LIN28B: variants seen among roughly 807,000 people sequenced by gnomAD.
LIN28B encodes the protein protein lin-28 homolog B.
In LIN28B, 5 loss-of-function variants were observed where a neutral mutation model predicts 21.9. That is an observed-to-expected ratio of 0.23 (90% CI 0.12 to 0.48). LIN28B has a LOEUF of 0.48. Ranked by LOEUF, LIN28B falls within the 20% of genes least tolerant of loss-of-function variation. The probability of loss-of-function intolerance (pLI) is 0.98; values close to 1 mark genes in which losing one functional copy is unlikely to be tolerated. For missense variants in LIN28B, 245 were observed against 310.5 expected, an observed-to-expected ratio of 0.79 and a Z score of 1.58; for synonymous variants, 109 against 111.3, an observed-to-expected ratio of 0.98 and a Z score of 0.13.
intron 2 of LIN28B, chr6:104,940,579 G>C (rs1344589960): frequency 6.6e-6 from 1 of 150,472 alleles, no homozygotes; most frequent in Non-Finnish European, 1.5e-5. Context: ...CGCGCGCTCG[G>C]CGCCGGCAGC....
chr6:105,065,076 AC>A (rs947297917), intron 3 of LIN28B, among the ~76,000 whole-genome samples: 2 of 152,168 alleles, frequency 1.3e-5, no homozygotes, highest in African/African-American at 4.8e-5. Context: ...TCCCATACTT[AC>A]CTTCAGATTT....
In LIN28B at chr6:104,944,473, A is replaced by G. The variant is rs1353611616; in HGVS notation, c.19-5988A>G. On this transcript the variant is annotated intron_variant, in intron 2 of 5. Transcript: ENST00000635857. ...AACCAACATCAAAATATGTGATATC[A>G]AGCTTAAATTAGAAATCATTCATGA... Among the ~76,000 whole-genome samples the G allele has an allele frequency of 2.6e-5, 4 of 152,284 alleles. No individual in the cohort carries two copies. The East Asian group carries it at 5.8e-4, about 22-fold the overall frequency.
intron 2 of LIN28B, among the ~76,000 whole-genome samples, chr6:105,015,350 T>C (rs935519691): frequency 6.6e-6 from 1 of 152,176 alleles, no homozygotes; most frequent in African/African-American, 2.4e-5. Flanking sequence ...GCTGTAGCCT[T>C]ATTATTGTTT....
rs529828440 is a variant in LIN28B at position 105,082,936 on chromosome 6, A to G, written c.*4153A>G. Reference sequence around the variant, plus strand: ...TACCACCAAGCTGGCTTCAATTAGTATGTGTTGCTTTTTGGTATTAACAAC... The same window carrying G: ...TACCACCAAGCTGGCTTCAATTAGTGTGTGTTGCTTTTTGGTATTAACAAC... On this transcript the variant is annotated 3_prime_UTR_variant, in exon 4 of 4. Transcript: ENST00000345080. 2 of 152,752 alleles carry G rather than the reference A, an allele frequency of 1.3e-5. No homozygotes were observed. The highest frequency in any genetic ancestry group is 6.5e-5 in the Admixed American group (1 of 15,294). 9.5% of individuals were successfully genotyped at this position (152,752 alleles called of 1,614,324 possible). A position where few individuals can be genotyped will look rare whatever the true frequency, so the allele number is the denominator to read the frequency against.
intron 2 of LIN28B, among the ~76,000 whole-genome samples, chr6:105,012,631 A>G (rs1402500446): frequency 2.6e-5 from 4 of 152,150 alleles, no homozygotes; most frequent in African/African-American, 9.7e-5. Flanking sequence ...GTTTTTGACA[A>G]CTATTATGAT....
At chr6:105,070,252 A>AT (rs1054878178) in intron 3 of LIN28B, among the ~76,000 whole-genome samples, 2 of 152,166 alleles carry the variant, frequency 1.3e-5, no homozygotes, top group East Asian at 3.9e-4. Context: ...AGGCATTAGT[A>AT]TTTTTTGAAA....
chr6:104,941,520 T>G (rs1286396152), intron 2 of LIN28B: 3 of 147,342 alleles, frequency 2.0e-5, no homozygotes, highest in African/African-American at 4.9e-5. Context: ...CAGGCTGGGG[T>G]CCCGGCGGCG....
chr6:104,950,353 C>G (rs1020190457), intron 2 of LIN28B: 11 of 554,328 alleles, frequency 2.0e-5, no homozygotes, highest in African/African-American at 1.4e-4. Flanking sequence ...GGTCTCTTCA[C>G]AGAGTCAAAA....
chr6:105,043,341 C>CAAAAAAAAAAAAAAA (rs57532096), intron 3 of LIN28B, among the ~76,000 whole-genome samples: 1 of 75,384 alleles, frequency 1.3e-5, no homozygotes, highest in African/African-American at 7.2e-5. Context: ...GACTCTGTCT[C>CAAAAAAAAAAAAAAA]AAAAAAAAAA....
rs552914246 is a variant in LIN28B at position 105,044,058 on chromosome 6, C to T, written c.383+17576C>T. Reference sequence around the variant, plus strand: ...TTTCTGCCTTTGTGTTTTACCTATTCAGTGATCAAATAATTATCTATATTT... The same window carrying T: ...TTTCTGCCTTTGTGTTTTACCTATTTAGTGATCAAATAATTATCTATATTT... On this transcript the variant is annotated intron_variant, in intron 3 of 3. Coordinates refer to ENST00000345080, the MANE Select transcript of LIN28B (RefSeq NM_001004317.4). 1.5e-4 allele frequency among the ~76,000 whole-genome samples: 23 copies of T among 152,182 alleles called. No individual in the cohort carries two copies. In the South Asian group the frequency reaches 4.8e-3, roughly 32 times the overall value.
At chr6:105,006,604 G>A (rs1451687776) in intron 2 of LIN28B, among the ~76,000 whole-genome samples, 4 of 152,044 alleles carry the variant, frequency 2.6e-5, no homozygotes, top group South Asian at 2.1e-4. Context: ...GAGCCACCGC[G>A]CCCAGCCTAG....
intron 2 of LIN28B, among the ~76,000 whole-genome samples, chr6:104,979,110 G>A (rs1314386698): frequency 1.3e-5 from 2 of 151,912 alleles, no homozygotes; most frequent in Non-Finnish European, 2.9e-5. Flanking sequence ...TGTTTTTAGG[G>A]TGTTATATAT....
In LIN28B at chr6:104,994,239, C is replaced by A. The variant is rs979240946; in HGVS notation, c.199-32059C>A. On this transcript the variant is annotated intron_variant, in intron 2 of 3. Coordinates refer to ENST00000345080, the MANE Select transcript of LIN28B (RefSeq NM_001004317.4). ...CAGGTTGGTCTCGATCTCCTGACCT[C>A]GTGATCCGCCCGCCTCGGCCTCCCA... Among the ~76,000 whole-genome samples the A allele has an allele frequency of 2.6e-5, 4 of 152,080 alleles. No individual in the cohort carries two copies. The East Asian group carries it at 7.7e-4, about 29-fold the overall frequency.
intron 2 of LIN28B, among the ~76,000 whole-genome samples, chr6:105,023,308 AT>A (rs1260748672): frequency 3.4e-5 from 1 of 29,164 alleles, no homozygotes; most frequent in African/African-American, 1.2e-4. Flanking sequence ...TTTATATATA[AT>A]TATATTATAT....
At chr6:104,982,129 A>G (rs1021486461) in intron 2 of LIN28B, among the ~76,000 whole-genome samples, 2 of 152,078 alleles carry the variant, frequency 1.3e-5, no homozygotes, top group Non-Finnish European at 2.9e-5. Flanking sequence ...CCTGGCTAAC[A>G]CGGTGAAACC....
chr6:104,964,617 A>G (rs1174460457), intron 2 of LIN28B, among the ~76,000 whole-genome samples: 1 of 152,192 alleles, frequency 6.6e-6, no homozygotes, highest in African/African-American at 2.4e-5. Flanking sequence ...ATTCCTCCCT[A>G]AAATAATTGA....
intron 2 of LIN28B, among the ~76,000 whole-genome samples, chr6:105,010,312 G>C (rs1462437891): frequency 1.3e-5 from 2 of 150,296 alleles, no homozygotes; most frequent in Non-Finnish European, 2.9e-5. Flanking sequence ...GCAGTGAGCT[G>C]AGATTATGCT....
At chr6:105,057,061 CTA>C (rs1187903926) in intron 3 of LIN28B, among the ~76,000 whole-genome samples, 1 of 152,120 alleles carries the variant, frequency 6.6e-6, no homozygotes, top group Admixed American at 6.5e-5. Context: ...CCCACTGAAC[CTA>C]TATACAGTAT....
Position 105,060,242 on chromosome 6 carries a change from G to A in LIN28B, c.384-18172G>A, listed in dbSNP as rs147258549. On this transcript the variant is annotated intron_variant, in intron 3 of 3. Transcript: ENST00000345080. ...TTAATAATACAAGGTGAAGGTGACT[G>A]ATTTGCTAATTCATTTTTTTGTTTG... 2.9e-3 allele frequency among the ~76,000 whole-genome samples: 445 copies of A among 151,742 alleles called. 1 individual carries two copies. The highest frequency in any genetic ancestry group is 4.3e-3 in the Non-Finnish European group (292 of 67,886).
Sources: gnomAD v4.1 joint callset for allele counts (sites outside exome capture counted in the v4.1 genomes callset) on GRCh38, gnomAD v4.1.1 for gene constraint, MANE v1.5 for transcripts, NCBI Gene and HGNC (gene_info 2026-07-23, HGNC 2026-07-21) for gene names.